The following PRLR variants were observed in gnomAD, a reference collection of about 807,000 sequenced individuals.
PRLR encodes hPRL receptor.
PRLR carries 13 observed loss-of-function variants against 40.2 expected under a neutral mutation model. That is an observed-to-expected ratio of 0.32 (90% CI 0.21 to 0.51). The LOEUF is 0.51. Among genes scored for constraint, PRLR ranks in the 20% least tolerant of loss-of-function variants. PRLR has a pLI of 0.97. For missense variants in PRLR, 656 were observed against 747.3 expected, an observed-to-expected ratio of 0.88 and a Z score of 1.42; for synonymous variants, 269 against 278.7, an observed-to-expected ratio of 0.97 and a Z score of 0.35.
At chr5:35,147,383 G>T (rs538167436) in intron 1 of PRLR, among the ~76,000 whole-genome samples, 5 of 152,104 alleles carry the variant, frequency 3.3e-5, no homozygotes, top group Non-Finnish European at 5.9e-5. Flanking sequence ...TCCATCTCAA[G>T]AATTATAAAA....
intron 2 of PRLR, among the ~76,000 whole-genome samples, chr5:35,101,897 G>A (rs540933553): frequency 2.1e-4 from 31 of 150,922 alleles, no homozygotes; most frequent in African/African-American, 6.3e-4. Context: ...GCGCAATCTC[G>A]GCTTTCTGTA....
rs75133039 is a variant in PRLR, at chr5:35,113,724, G to A, written c.-44+4337C>T. On this transcript the variant is annotated intron_variant, in intron 2 of 9. Coordinates refer to ENST00000618457, the MANE Select transcript of PRLR (RefSeq NM_000949.7). The stretch of plus-strand genomic sequence containing the variant: ...AAACAGTTCAATGTAAATGATGCAA[G>A]TGCTAAGGAGGACCCCTGCAGGTAC... Among the ~76,000 whole-genome samples, 31 of 152,360 alleles carry A rather than the reference G, an allele frequency of 2.0e-4. No homozygotes were observed. In the East Asian group the frequency reaches 5.6e-3, roughly 27 times the overall value.
At chr5:35,199,615 C>G (rs1025240636) in intron 1 of PRLR, among the ~76,000 whole-genome samples, 1 of 151,970 alleles carries the variant, frequency 6.6e-6, no homozygotes, top group Non-Finnish European at 1.5e-5. Flanking sequence ...ATATATTTCC[C>G]CCTTAAGTTG....
At chr5:35,147,267 C>G (rs887207238) in intron 1 of PRLR, among the ~76,000 whole-genome samples, 3 of 152,196 alleles carry the variant, frequency 2.0e-5, no homozygotes, top group Non-Finnish European at 4.4e-5. Flanking sequence ...GCTGCATACT[C>G]TAGTATCATT....
chr5:35,198,780 G>T (rs917611366), intron 1 of PRLR, among the ~76,000 whole-genome samples: 3 of 152,094 alleles, frequency 2.0e-5, no homozygotes, highest in African/African-American at 7.2e-5. Flanking sequence ...CTTGGTTTGG[G>T]TCATAAAATT....
chr5:35,160,223 T>G (rs1247353561), intron 1 of PRLR, among the ~76,000 whole-genome samples: 1 of 151,634 alleles, frequency 6.6e-6, no homozygotes, highest in Non-Finnish European at 1.5e-5. Flanking sequence ...ATGTCACAAT[T>G]GTATGACATT....
intron 1 of PRLR, among the ~76,000 whole-genome samples, chr5:35,193,898 C>T (rs116798522): frequency 2.6e-3 from 392 of 152,268 alleles, no homozygotes; most frequent in African/African-American, 8.8e-3. Flanking sequence ...GGCAAGAATG[C>T]CTTTTTTTAA....
intron 1 of PRLR, among the ~76,000 whole-genome samples, chr5:35,126,903 A>G (rs1016130561): frequency 6.6e-6 from 1 of 152,178 alleles, no homozygotes; most frequent in African/African-American, 2.4e-5. Context: ...TGAGAAAGAG[A>G]TGGGCTAAAT....
chr5:35,198,598 C>T (rs2111598054), intron 1 of PRLR, among the ~76,000 whole-genome samples: 1 of 152,334 alleles, frequency 6.6e-6, no homozygotes, highest in South Asian at 2.1e-4. Flanking sequence ...GACATTTAAT[C>T]TTATTTGATC....
intron 2 of PRLR, among the ~76,000 whole-genome samples, chr5:35,115,884 G>T (rs1199582147): frequency 6.6e-6 from 1 of 152,084 alleles, no homozygotes; most frequent in Non-Finnish European, 1.5e-5. Context: ...GACAGGAATT[G>T]CAATTTTACT....
intron 1 of PRLR, among the ~76,000 whole-genome samples, chr5:35,229,201 A>T (rs11738273): frequency 0.75 from 112,583 of 150,554 alleles, 42,414 homozygotes; most frequent in Middle Eastern, 0.82. Context: ...GAGGGTAAGT[A>T]TCTTGCCCAA....
intron 1 of PRLR, among the ~76,000 whole-genome samples, chr5:35,188,054 C>T (rs1389719674): frequency 6.6e-6 from 1 of 152,218 alleles, no homozygotes; most frequent in East Asian, 1.9e-4. Flanking sequence ...GTGTCAGCAA[C>T]CTTTTTTGTC....
chr5:35,120,978 T>G (rs1773270724), intron 1 of PRLR, among the ~76,000 whole-genome samples: 1 of 152,222 alleles, frequency 6.6e-6, no homozygotes, highest in Non-Finnish European at 1.5e-5. Context: ...AAAACTTTAT[T>G]TATATAAATA....
chr5:35,193,547 C>T (rs1775660115), intron 1 of PRLR, among the ~76,000 whole-genome samples: 1 of 152,150 alleles, frequency 6.6e-6, no homozygotes, highest in African/African-American at 2.4e-5. Flanking sequence ...GCTTGGAGGG[C>T]ACCACTGAGC....
chr5:35,078,706 C>A (rs376271237), intron 5 of PRLR, among the ~76,000 whole-genome samples: 1 of 152,130 alleles, frequency 6.6e-6, no homozygotes, highest in Non-Finnish European at 1.5e-5. Context: ...TAACTCATTT[C>A]GTGAGGCCAG....
chr5:35,085,515 G>T (rs902574810), intron 4 of PRLR, among the ~76,000 whole-genome samples: 1 of 152,136 alleles, frequency 6.6e-6, no homozygotes, highest in Non-Finnish European at 1.5e-5. Context: ...TCAACCTTAG[G>T]TCCCAATATG....
At chr5:35,160,481 G>A (rs1774642912) in intron 1 of PRLR, among the ~76,000 whole-genome samples, 1 of 152,122 alleles carries the variant, frequency 6.6e-6, no homozygotes, top group Admixed American at 6.5e-5. Flanking sequence ...AGACTTTTAG[G>A]TTATGGTTTA....
chr5:35,219,905 T>C (rs1304368558), intron 1 of PRLR, among the ~76,000 whole-genome samples: 1 of 152,216 alleles, frequency 6.6e-6, no homozygotes, highest in East Asian at 1.9e-4. Flanking sequence ...AACAATCATC[T>C]TGAGCAGGAC....
chr5:35,102,841 C>A (rs1303533471), intron 2 of PRLR, among the ~76,000 whole-genome samples: 1 of 152,138 alleles, frequency 6.6e-6, no homozygotes, highest in Admixed American at 6.6e-5. Flanking sequence ...CCACGCCCGG[C>A]TTTTTTCTTT....
Sources: gnomAD v4.1 joint callset for allele counts (sites outside exome capture counted in the v4.1 genomes callset) on GRCh38, gnomAD v4.1.1 for gene constraint, MANE v1.5 for transcripts, NCBI Gene and HGNC (gene_info 2026-07-23, HGNC 2026-07-21) for gene names.